STX8: variants seen among roughly 807,000 people sequenced by gnomAD.
STX8 encodes syntaxin 8, also known as syntaxin-8.
STX8 carries 23 observed loss-of-function variants against 37.5 expected under a neutral mutation model. That is an observed-to-expected ratio of 0.61 (90% CI 0.44 to 0.87). STX8 has a LOEUF of 0.87. Ranked by LOEUF, STX8 falls within the 40% of genes least tolerant of loss-of-function variation. The pLI is 0.00. For missense variants in STX8, 313 were observed against 284.7 expected (o/e 1.10, Z -0.71); for synonymous variants, 115 against 99.1 (o/e 1.16, Z -0.95).
chr17:9,305,991 C>T (rs965326823), intron 7 of STX8, among the ~76,000 whole-genome samples: 1 of 152,112 alleles, frequency 6.6e-6, no homozygotes, highest in African/African-American at 2.4e-5. Context: ...GATCCTCCCA[C>T]CTCAGCCTCC....
rs772754398 is a variant in STX8 at position 9,395,372 on chromosome 17, C to T, written c.542-16719G>A. 5.3e-5 allele frequency among the ~76,000 whole-genome samples: 8 copies of T among 152,028 alleles called. No homozygotes were observed. In the South Asian group the frequency reaches 8.3e-4, roughly 16 times the overall value. On this transcript the variant is annotated intron_variant, in intron 6 of 7. Transcript: ENST00000306357. ...ATCCCAGCACTTTGGGAAGCTGAGG[C>T]GGGCACATCAATCACTTGAGGTAAG...
At chr17:9,439,223 A>G (rs1904553141) in intron 6 of STX8, among the ~76,000 whole-genome samples, 1 of 152,154 alleles carries the variant, frequency 6.6e-6, no homozygotes, top group Admixed American at 6.5e-5. Flanking sequence ...TCCCAATTCT[A>G]GATAAGGTAT....
chr17:9,519,980 A>G (rs564318101), intron 4 of STX8, among the ~76,000 whole-genome samples: 1 of 152,274 alleles, frequency 6.6e-6, no homozygotes, highest in African/African-American at 2.4e-5. Flanking sequence ...GGCATTTATC[A>G]AGCGGGATTG....
intron 6 of STX8, among the ~76,000 whole-genome samples, chr17:9,383,682 G>A (rs1911895293): frequency 6.6e-6 from 1 of 152,174 alleles, no homozygotes; most frequent in Non-Finnish European, 1.5e-5. Flanking sequence ...CTGTAAAGGT[G>A]CATTTGCAGA....
chr17:9,399,677 C>T lies in STX8; in HGVS notation c.542-21024G>A, dbSNP rs566120381. 5.9e-5 allele frequency among the ~76,000 whole-genome samples: 9 copies of T among 152,090 alleles called. No homozygotes were observed. In the East Asian group the frequency reaches 1.7e-3, roughly 29 times the overall value. On this transcript the variant is annotated intron_variant, in intron 6 of 7. Transcript: ENST00000306357. ...GGTCAAGAGTTCGAGACCAGCCTGA[C>T]TAACATGGCAAAACCCCATCTCTAC...
chr17:9,462,117 G>C (rs1163974133), intron 6 of STX8, among the ~76,000 whole-genome samples: 1 of 152,266 alleles, frequency 6.6e-6, no homozygotes, highest in East Asian at 1.9e-4. Context: ...ACCAGTACTG[G>C]TCCATGGCCA....
chr17:9,462,950 CAG>C (rs1905459509), intron 6 of STX8, among the ~76,000 whole-genome samples: 1 of 152,168 alleles, frequency 6.6e-6, no homozygotes, highest in Admixed American at 6.5e-5. Context: ...CACCAGAAGA[CAG>C]GGACTCAGCA....
chr17:9,390,551 G>T (rs900148866), intron 6 of STX8, among the ~76,000 whole-genome samples: 2 of 150,184 alleles, frequency 1.3e-5, no homozygotes, highest in African/African-American at 4.9e-5. Context: ...ACACAGGGTC[G>T]GTGCGGTGGC....
intron 3 of STX8, chr17:9,553,968 C>T (rs1387317194): frequency 6.6e-6 from 1 of 152,290 alleles, no homozygotes; most frequent in African/African-American, 2.4e-5. Context: ...GTGTAGAAAA[C>T]TCCTCTGCTG....
chr17:9,390,399 G>A (rs917192079), intron 6 of STX8, among the ~76,000 whole-genome samples: 1 of 151,940 alleles, frequency 6.6e-6, no homozygotes, highest in Non-Finnish European at 1.5e-5. Context: ...GTGGTTGTCT[G>A]TAATCCCAGC....
In STX8 at chr17:9,378,543, A is replaced by C; in HGVS notation, c.643+9T>G. ...ACAGAAACAGAGCCATAACGTAGCT[A>C]TCTCTTACCACAAGAGGCTGACTTT... On this transcript the variant is annotated intron_variant, in intron 7 of 7. Coordinates refer to ENST00000306357, the MANE Select transcript of STX8 (RefSeq NM_004853.3). 6.2e-7 allele frequency: 1 copy of C among 1,610,748 alleles called. No homozygotes were observed.
At chr17:9,271,196 G>A (rs773845607) in intron 7 of STX8, among the ~76,000 whole-genome samples, 5 of 152,250 alleles carry the variant, frequency 3.3e-5, no homozygotes, top group Non-Finnish European at 7.3e-5. Flanking sequence ...GCTCATGCCT[G>A]TAATCCCAAA....
At chr17:9,504,765 G>C (rs1253161798) in intron 5 of STX8, among the ~76,000 whole-genome samples, 6 of 151,896 alleles carry the variant, frequency 4.0e-5, no homozygotes, top group African/African-American at 1.5e-4. Flanking sequence ...ATGAGGTCAG[G>C]AGATCAAGAC....
intron 7 of STX8, among the ~76,000 whole-genome samples, chr17:9,354,877 G>A (rs1388066594): frequency 1.3e-5 from 2 of 152,114 alleles, no homozygotes; most frequent in African/African-American, 4.8e-5. Context: ...CATCCTGGGA[G>A]TTGTCTTTAC....
chr17:9,394,098 A>C (rs910444852), intron 6 of STX8, among the ~76,000 whole-genome samples: 6 of 152,164 alleles, frequency 3.9e-5, no homozygotes, highest in Non-Finnish European at 7.4e-5. Context: ...GCAAGTGGCA[A>C]AAACAAAAAC....
chr17:9,431,887 A>C (rs1597668547), intron 6 of STX8, among the ~76,000 whole-genome samples: 3 of 152,284 alleles, frequency 2.0e-5, no homozygotes. Flanking sequence ...GAGTGTTCCT[A>C]GGACAACATT....
chr17:9,324,120 T>TCACA lies in STX8; in HGVS notation c.643+54431_643+54432insTGTG, dbSNP rs1469116831. On this transcript the variant is annotated intron_variant, in intron 7 of 7. Transcript: ENST00000306357. ...CTCTCTCTCTCTCTGTCTCTCTCTC[T>TCACA]CTCTCTCACACACACACACACACAC... 3.5e-3 allele frequency among the ~76,000 whole-genome samples: 467 copies of TCACA among 133,728 alleles called. 3 individuals carry two copies. The highest frequency in any genetic ancestry group is 0.013 in the African/African-American group (445 of 34,818). 87.7% of individuals were successfully genotyped at this position (133,728 alleles called of 152,430 possible).
intron 6 of STX8, among the ~76,000 whole-genome samples, chr17:9,490,529 G>A (rs967991064): frequency 1.3e-4 from 19 of 151,794 alleles, no homozygotes; most frequent in Admixed American, 2.0e-4. Context: ...GGGCCACCAC[G>A]CCCAGCTAAT....
intron 6 of STX8, among the ~76,000 whole-genome samples, chr17:9,395,533 G>A (rs543341898): frequency 6.6e-5 from 10 of 152,234 alleles, no homozygotes; most frequent in South Asian, 2.1e-4. Context: ...AGCCCAGATC[G>A]CACCACTGCA....
Sources: gnomAD v4.1 joint callset for allele counts (sites outside exome capture counted in the v4.1 genomes callset) on GRCh38, gnomAD v4.1.1 for gene constraint, MANE v1.5 for transcripts, NCBI Gene and HGNC (gene_info 2026-07-23, HGNC 2026-07-21) for gene names.